SOX5: variants seen among roughly 807,000 people sequenced by gnomAD.
SOX5 encodes SRY-box transcription factor 5.
In SOX5, 9 loss-of-function variants were observed where a neutral mutation model predicts 92.0. The observed-to-expected ratio is 0.10, with a 90% CI of 0.06 to 0.17. The LOEUF (loss-of-function observed/expected upper bound fraction) is 0.17, where lower values mean the gene tolerates loss of function less well. SOX5 is among the 10% of genes least tolerant of loss of function. The probability of loss-of-function intolerance (pLI) is 1.00; values close to 1 mark genes in which losing one functional copy is unlikely to be tolerated. For synonymous variants in SOX5, 344 were observed against 336.3 expected (o/e 1.02, Z -0.25); for missense variants, 642 against 944.5 (o/e 0.68, Z 4.20).
At chr12:24,269,452 C>G (rs1472648542) in intron 3 of SOX5, among the ~76,000 whole-genome samples, 1 of 152,028 alleles carries the variant, frequency 6.6e-6, no homozygotes, top group East Asian at 1.9e-4. Context: ...GATTTAAATA[C>G]CTATGTGAAG....
intron 3 of SOX5, among the ~76,000 whole-genome samples, chr12:24,239,836 C>T (rs1389085280): frequency 6.6e-6 from 1 of 152,154 alleles, no homozygotes; most frequent in African/African-American, 2.4e-5. Flanking sequence ...CATTCTTTCA[C>T]TTTTATTTAA....
intron 6 of SOX5, among the ~76,000 whole-genome samples, chr12:23,694,576 A>G (rs1349720589): frequency 6.6e-6 from 1 of 152,174 alleles, no homozygotes; most frequent in Non-Finnish European, 1.5e-5. Context: ...TATAATTTAC[A>G]TACAATAAAT....
chr12:23,568,718 T>TGACA (rs963718275), intron 10 of SOX5, among the ~76,000 whole-genome samples: 11 of 152,148 alleles, frequency 7.2e-5, no homozygotes, highest in African/African-American at 2.7e-4. Flanking sequence ...AGGCAAACCC[T>TGACA]GACAGTTTCA....
intron 6 of SOX5, among the ~76,000 whole-genome samples, chr12:23,715,243 G>T (rs1185607165): frequency 6.6e-6 from 1 of 151,078 alleles, no homozygotes. Flanking sequence ...AGCTTGCAGT[G>T]AGCCGAGATA....
Position 23,949,646 on chromosome 12 carries a change from T to G in SOX5, c.-45A>C. The G allele has an allele frequency of 6.2e-7, 1 of 1,613,808 alleles. No homozygotes were observed. The highest frequency in any genetic ancestry group is 8.5e-7 in the Non-Finnish European group (1 of 1,179,838). The stretch of plus-strand genomic sequence containing the variant: ...CCTTTGTCACAGCAGCCACCTATGA[T>G]CGTCTCCAACTGAACCTGTCAAGTG... On this transcript the variant is annotated 5_prime_UTR_variant, in exon 1 of 15. Transcript: ENST00000451604.
At position 23,530,003 on chromosome 12, in the gene SOX5, G is replaced by C. The variant is rs1302701508; in HGVS notation, c.*4216C>G. 2.0e-5 allele frequency: 3 copies of C among 151,070 alleles called. No homozygotes were observed. 9.4% of individuals were successfully genotyped at this position (151,070 alleles called of 1,614,324 possible). A position where few individuals can be genotyped will look rare whatever the true frequency, so the allele number is the denominator to read the frequency against. ...GGGGAGGACAGGAATCAATCAATCA[G>C]TAGGAAACTCAACACATCGTCTTCA... is the stretch of plus-strand genomic sequence containing the variant. On this transcript the variant is annotated 3_prime_UTR_variant, in exon 15 of 15. Coordinates refer to ENST00000451604, the MANE Select transcript of SOX5 (RefSeq NM_006940.6).
intron 6 of SOX5, among the ~76,000 whole-genome samples, chr12:23,712,476 G>A (rs1302531009): frequency 2.0e-5 from 3 of 152,138 alleles, no homozygotes; most frequent in African/African-American, 7.2e-5. Flanking sequence ...GTAACTTCAG[G>A]ACAAACCCAG....
intron 3 of SOX5, among the ~76,000 whole-genome samples, chr12:23,841,820 G>A (rs1476022538): frequency 6.6e-6 from 1 of 152,078 alleles, no homozygotes; most frequent in Non-Finnish European, 1.5e-5. Context: ...AAACAGGATA[G>A]TTTGGAGTGG....
intron 2 of SOX5, among the ~76,000 whole-genome samples, chr12:24,287,779 T>C (rs1046640232): frequency 3.9e-5 from 6 of 152,046 alleles, no homozygotes; most frequent in African/African-American, 1.4e-4. Context: ...CAATTCTTTA[T>C]GGTAGGTATG....
intron 2 of SOX5, among the ~76,000 whole-genome samples, chr12:24,363,888 C>T (rs138324205): frequency 7.9e-5 from 12 of 152,322 alleles, no homozygotes; most frequent in African/African-American, 2.9e-4. Context: ...GAGCCCAAAT[C>T]TGTCACCAAC....
chr12:23,834,330 G>A (rs189660207), intron 3 of SOX5, among the ~76,000 whole-genome samples: 1 of 152,050 alleles, frequency 6.6e-6, no homozygotes, highest in African/African-American at 2.4e-5. Flanking sequence ...GAACAATAGG[G>A]TAGAGTCAGA....
chr12:24,302,385 G>A (rs896094258), intron 2 of SOX5, among the ~76,000 whole-genome samples: 2 of 152,094 alleles, frequency 1.3e-5, no homozygotes, highest in Non-Finnish European at 2.9e-5. Context: ...AAAAACCCAC[G>A]GGGAAGGGTT....
intron 1 of SOX5, among the ~76,000 whole-genome samples, chr12:24,425,190 C>T (rs552175857): frequency 3.3e-5 from 5 of 152,322 alleles, no homozygotes; most frequent in African/African-American, 1.2e-4. Context: ...CACTCCTTAA[C>T]TGTGGCCCTA....
At chr12:23,691,898 TTTG>T (rs989359543) in intron 6 of SOX5, among the ~76,000 whole-genome samples, 32 of 152,244 alleles carry the variant, frequency 2.1e-4, no homozygotes, top group Admixed American at 1.8e-3. Context: ...TTCCTAGTTT[TTTG>T]TTGTTGTTGT....
intron 1 of SOX5, among the ~76,000 whole-genome samples, chr12:23,948,926 C>T (rs1945067863): frequency 6.6e-6 from 1 of 152,058 alleles, no homozygotes; most frequent in African/African-American, 2.4e-5. Flanking sequence ...CAAAAAGTGG[C>T]CACTAAAACT....
intron 7 of SOX5, among the ~76,000 whole-genome samples, chr12:23,653,132 G>T (rs181833508): frequency 5.9e-5 from 9 of 152,018 alleles, no homozygotes; most frequent in Non-Finnish European, 1.0e-4. Flanking sequence ...GTGGTTTTCT[G>T]GCTCCTGCAG....
chr12:24,446,034 A>C (rs1941418010), intron 1 of SOX5, among the ~76,000 whole-genome samples: 1 of 152,234 alleles, frequency 6.6e-6, no homozygotes, highest in Non-Finnish European at 1.5e-5. Flanking sequence ...GCTACTCAGA[A>C]GAAATCATGA....
At chr12:24,325,328 T>C (rs757536887) in intron 2 of SOX5, among the ~76,000 whole-genome samples, 9 of 152,238 alleles carry the variant, frequency 5.9e-5, no homozygotes, top group Non-Finnish European at 8.8e-5. Context: ...TCTTTTATAG[T>C]TTATTTATGA....
At chr12:24,305,476 T>C (rs916358589) in intron 2 of SOX5, among the ~76,000 whole-genome samples, 1 of 152,074 alleles carries the variant, frequency 6.6e-6, no homozygotes, top group African/African-American at 2.4e-5. Context: ...AGATAAAGAG[T>C]GTCTGCTACG....
Sources: gnomAD v4.1 joint callset for allele counts (sites outside exome capture counted in the v4.1 genomes callset) on GRCh38, gnomAD v4.1.1 for gene constraint, MANE v1.5 for transcripts, NCBI Gene and HGNC (gene_info 2026-07-23, HGNC 2026-07-21) for gene names.